Variants in HPN observed in about 807,000 individuals in gnomAD.
HPN encodes the protein hepsin.
Under a neutral mutation model 55.9 loss-of-function variants are expected in HPN, and 13 were observed. That is an observed-to-expected ratio of 0.23 (90% CI 0.15 to 0.37). The LOEUF (loss-of-function observed/expected upper bound fraction) is 0.37. Ranked by LOEUF, HPN falls within the 10% of genes least tolerant of loss-of-function variation. HPN has a pLI of 1.00. For synonymous variants in HPN, 225 were observed against 240.3 expected, an observed-to-expected ratio of 0.94 and a Z score of 0.59; for missense variants, 451 against 575.8, an observed-to-expected ratio of 0.78 and a Z score of 2.22.
chr19:35,061,554 A>G (rs1467849621), intron 9 of HPN, among the ~76,000 whole-genome samples: 1 of 152,130 alleles, frequency 6.6e-6, no homozygotes, highest in East Asian at 1.9e-4. Context: ...AGATCACACC[A>G]CTGCACTCCA....
Position 35,059,920 on chromosome 19 carries a change from G to A in HPN, c.337G>A (p.Gly113Ser), listed in dbSNP as rs2064507447. 2.0e-6 allele frequency: 3 copies of A among 1,509,964 alleles called. No individual in the cohort carries two copies. The highest frequency in any genetic ancestry group is 2.8e-5 in the African/African-American group (2 of 72,020). The allele number at this position is 1,509,964 out of a possible 1,614,324, so 93.5% of individuals were successfully genotyped here. The change falls in exon 6 of 13, where the codon GGC becomes AGC. Residue 113 changes from glycine (G) to serine (S), a missense_variant. Around this residue, in one of 2 missense-constraint regions of HPN, gnomAD observed 378 missense variants for 445.5 expected, o/e 0.85. Transcript: ENST00000672452. Reference sequence around the variant, plus strand: ...GGACGTGCGAACGGCGGGCGCCAATGGCACGTCGGGCTTCTTCTGTGTGGA... The same window carrying A: ...GGACGTGCGAACGGCGGGCGCCAATAGCACGTCGGGCTTCTTCTGTGTGGA... ...ELDVRTAGAN[G>S]TSGFFCVDEG...
intron 9 of HPN, among the ~76,000 whole-genome samples, chr19:35,063,902 A>T (rs763011530): frequency 6.6e-6 from 1 of 152,196 alleles, no homozygotes; most frequent in Non-Finnish European, 1.5e-5. Context: ...TCCTAGGGTT[A>T]TTGAGACAAT....
At chr19:35,050,780 AT>A (rs768639965) in intron 4 of HPN, among the ~76,000 whole-genome samples, 44 of 152,178 alleles carry the variant, frequency 2.9e-4, no homozygotes, top group Non-Finnish European at 5.4e-4. Flanking sequence ...CAACATCAAC[AT>A]TAATCATCAT....
Position 35,059,963 on chromosome 19 carries a change from A to T in HPN, c.380A>T (p.His127Leu), listed in dbSNP as rs767936931. 1.6e-5 allele frequency: 25 copies of T among 1,552,478 alleles called. No homozygotes were observed. The South Asian group carries it at 2.5e-4, about 15-fold the overall frequency. The change falls in exon 6 of 13, where the codon CAC becomes CTC. Residue 127 changes from histidine (H) to leucine (L), a missense_variant. Around this residue, in one of 2 missense-constraint regions of HPN, gnomAD observed 378 missense variants for 445.5 expected, o/e 0.85. Transcript: ENST00000672452. ...FFCVDEGRLP[H>L]TQRLLEVISV... ...TGTGTGGACGAGGGGAGGCTGCCCC[A>T]CACCCAGAGGCTGCTGGAGGTCATC...
At chr19:35,050,644 A>C (rs1444439661) in intron 4 of HPN, 2 of 636,704 alleles carry the variant, frequency 3.1e-6, no homozygotes, top group South Asian at 3.7e-5. Flanking sequence ...TCCCTGATGC[A>C]GGACAGCAGG....
intron 2 of HPN, among the ~76,000 whole-genome samples, chr19:35,042,822 G>A (rs568076599): frequency 5.3e-5 from 8 of 152,150 alleles, no homozygotes; most frequent in South Asian, 2.1e-4. Context: ...GGGCTGAGGC[G>A]GGGAAGCTGT....
chr19:35,060,570 G>A, intron 8 of HPN, 57 bp from the exon 9 acceptor site: 1 of 1,611,918 alleles, frequency 6.2e-7, no homozygotes, highest in Non-Finnish European at 8.5e-7. Context: ...GAGACAGTGG[G>A]GAGGAGGGCG....
intron 4 of HPN, chr19:35,059,024 C>G (rs936840341): frequency 1.3e-5 from 2 of 157,708 alleles, no homozygotes; most frequent in African/African-American, 4.8e-5. Flanking sequence ...TTTTTCTTCC[C>G]GAATGTCCAA....
Position 35,060,110 on chromosome 19 carries a change from C to G in HPN, c.414-19C>G. The G allele has an allele frequency of 1.2e-6, 2 of 1,614,176 alleles. No individual in the cohort carries two copies. Among genetic ancestry groups the G allele is most frequent in the South Asian group, 1.1e-5 (1 of 91,088 alleles). On this transcript the variant is annotated intron_variant, in intron 6 of 12. Coordinates refer to ENST00000672452, the MANE Select transcript of HPN (RefSeq NM_001384133.1). ...CTCTATTTCCTTTCTTTCTGTGTCT[C>G]CAATCCCATCTCTCCCAGTGATTGC...
At position 35,049,516 on chromosome 19, in the gene HPN, GGTGA is replaced by G. The variant is rs1440901209; in HGVS notation, c.160+4_160+7del. On this transcript the variant is annotated splice_donor_variant and splice_donor_region_variant and intron_variant, in intron 4 of 12. Coordinates refer to ENST00000672452, the MANE Select transcript of HPN (RefSeq NM_001384133.1). LOFTEE classifies it high-confidence loss of function. Reference sequence around the variant, plus strand: ...GAGTGACCAGGAGCCGCTGTACCCAGGTGAGTGGAGCAGGCTGGGACCCTCTGGG... The same window carrying G: ...GAGTGACCAGGAGCCGCTGTACCCAGGTGGAGCAGGCTGGGACCCTCTGGG... 6.3e-7 allele frequency: 1 copy of G among 1,599,798 alleles called. No homozygotes were observed.
At chr19:35,054,918 C>T (rs2064440510) in intron 4 of HPN, among the ~76,000 whole-genome samples, 1 of 152,132 alleles carries the variant, frequency 6.6e-6, no homozygotes, top group Non-Finnish European at 1.5e-5. Context: ...TGGTGTGTGG[C>T]CTCACCAGGT....
intron 4 of HPN, among the ~76,000 whole-genome samples, chr19:35,052,400 C>T (rs957513942): frequency 3.3e-5 from 5 of 151,902 alleles, no homozygotes; most frequent in Non-Finnish European, 5.9e-5. Context: ...TGGTGGCGGG[C>T]GCCTGTAATC....
At chr19:35,046,066 G>A (rs542323145) in intron 2 of HPN, among the ~76,000 whole-genome samples, 1 of 152,168 alleles carries the variant, frequency 6.6e-6, no homozygotes, top group Non-Finnish European at 1.5e-5. Flanking sequence ...GCTGTCGGGA[G>A]CCAAGACCTC....
chr19:35,063,162 G>T (rs571042389), intron 9 of HPN, among the ~76,000 whole-genome samples: 4 of 152,160 alleles, frequency 2.6e-5, no homozygotes, highest in Admixed American at 6.5e-5. Flanking sequence ...TTAAGATCCT[G>T]TTTTCCACCC....
intron 2 of HPN, among the ~76,000 whole-genome samples, chr19:35,046,583 C>T (rs1278456314): frequency 1.3e-5 from 2 of 152,132 alleles, no homozygotes; most frequent in Non-Finnish European, 2.9e-5. Flanking sequence ...ATAATGGCCA[C>T]ACCAGGAAGG....
chr19:35,043,095 C>T (rs1478890356), intron 2 of HPN, among the ~76,000 whole-genome samples: 2 of 152,126 alleles, frequency 1.3e-5, no homozygotes, highest in South Asian at 4.1e-4. Flanking sequence ...TTGGCAAACT[C>T]GGAGTCCCAG....
chr19:35,065,135 T>C, intron 9 of HPN, 115 bp from the exon 10 acceptor site: 1 of 676,638 alleles, frequency 1.5e-6, no homozygotes, highest in African/African-American at 1.8e-5. Context: ...TGTGGTTTTT[T>C]TTTTAAAGAA....
chr19:35,055,687 A>G (rs73040341), intron 4 of HPN, among the ~76,000 whole-genome samples: 12,180 of 101,350 alleles, frequency 0.12, 531 homozygotes, highest in African/African-American at 0.17. Flanking sequence ...TGGACATCCC[A>G]GAGCCTCCTC....
Position 35,046,961 on chromosome 19 carries a change from T to A in HPN, c.17-2329T>A, listed in dbSNP as rs1003584892. Among the ~76,000 whole-genome samples the A allele has an allele frequency of 7.6e-4, 116 of 152,248 alleles. 4 individuals are homozygous for A. Among genetic ancestry groups the A allele is most frequent in the Admixed American group, 7.5e-3 (114 of 15,298 alleles). ...CTCCTGCCTCAGCCTCCCGAGTAGCTGGGATTACAGGTGCCTGCCACTGCG... is the reference window on the plus strand; with the variant it reads ...CTCCTGCCTCAGCCTCCCGAGTAGCAGGGATTACAGGTGCCTGCCACTGCG... On this transcript the variant is annotated intron_variant, in intron 2 of 12. Coordinates refer to ENST00000672452, the MANE Select transcript of HPN (RefSeq NM_001384133.1).
Sources: gnomAD v4.1 joint callset for allele counts (sites outside exome capture counted in the v4.1 genomes callset) on GRCh38, gnomAD v4.1.1 for gene constraint, gnomAD v4.1.1 regional missense constraint, MANE v1.5 for transcripts, NCBI Gene and HGNC (gene_info 2026-07-23, HGNC 2026-07-21) for gene names.